The following TRIM66 variants were observed in gnomAD, a reference collection of about 807,000 sequenced individuals.
The protein encoded by TRIM66 is tripartite motif-containing protein 66.
TRIM66 carries 99 observed loss-of-function variants against 148.2 expected under a neutral mutation model. The observed-to-expected ratio is 0.67, with a 90% CI of 0.57 to 0.79. The LOEUF (loss-of-function observed/expected upper bound fraction) is 0.79. TRIM66 is among the 30% of genes least tolerant of loss of function. The probability of loss-of-function intolerance (pLI) is 0.00; values close to 1 mark genes in which losing one functional copy is unlikely to be tolerated. For missense variants in TRIM66, 1,666 were observed against 1,697.9 expected, an observed-to-expected ratio of 0.98 and a Z score of 0.33; for synonymous variants, 616 against 635.9, an observed-to-expected ratio of 0.97 and a Z score of 0.47.
At chr11:8,633,984 G>A (rs768332505) in intron 15 of TRIM66, among the ~76,000 whole-genome samples, 30 of 152,030 alleles carry the variant, frequency 2.0e-4, no homozygotes, top group Non-Finnish European at 2.9e-4. Flanking sequence ...AATGCCTACC[G>A]CTTCTGTATC....
chr11:8,620,575 G>A lies in TRIM66; in HGVS notation c.3546-3C>T. 1 of 1,551,616 alleles carries A rather than the reference G, an allele frequency of 6.4e-7. No homozygotes were observed. The highest frequency in any genetic ancestry group is 8.7e-7 in the Non-Finnish European group (1 of 1,146,996). On this transcript the variant is annotated splice_region_variant and splice_polypyrimidine_tract_variant and intron_variant, in intron 20 of 24. Transcript: ENST00000646038. The stretch of plus-strand genomic sequence containing the variant: ...ACAAGGTACACACCCACTCTCCCCT[G>A]CAGGGGCAGGTGAGGCCATGTTAGG...
chr11:8,673,981 T>C (rs921738500), intron 4 of TRIM66, among the ~76,000 whole-genome samples: 3 of 152,204 alleles, frequency 2.0e-5, no homozygotes, highest in African/African-American at 7.2e-5. Context: ...TGCCACTACA[T>C]AAAGCTATAG....
intron 3 of TRIM66, chr11:8,678,301 G>A (rs1262539796): frequency 6.6e-6 from 1 of 152,066 alleles, no homozygotes; most frequent in African/African-American, 2.4e-5. Context: ...CTTAATAAAA[G>A]ATAGCACATG....
intron 12 of TRIM66, among the ~76,000 whole-genome samples, 181 bp from the exon 13 acceptor site, chr11:8,643,307 C>A (rs1226462768): frequency 6.6e-6 from 1 of 151,626 alleles, no homozygotes; most frequent in East Asian, 1.9e-4. Flanking sequence ...TGATCCCTTT[C>A]CTCTTATCAA....
Position 8,640,924 on chromosome 11 carries a change from G to T in TRIM66, c.1451C>A (p.Pro484His). The change falls in exon 14 of 25, where the codon CCC (proline) becomes CAC (histidine). Residue 484 changes from proline (P) to histidine (H), a missense_variant. By Grantham distance (77) the Pro-to-His change is moderately conservative. Transcript: ENST00000646038. ...SPSLKGQVPPPSIHPAHSFRQ... is the reference protein window; with the variant it reads ...SPSLKGQVPPHSIHPAHSFRQ... ...GAAGCTGTGGGCTGGGTGTATGCTG[G>T]GTGGGGGGACCTGGCCTTTGAGGGA... The T allele has an allele frequency of 6.4e-7, 1 of 1,550,962 alleles. No individual in the cohort carries two copies. Among genetic ancestry groups the T allele is most frequent in the Non-Finnish European group, 8.7e-7 (1 of 1,146,956 alleles).
intron 8 of TRIM66, 141 bp from the exon 9 acceptor site, chr11:8,648,689 A>C: frequency 9.6e-7 from 1 of 1,045,872 alleles, no homozygotes; most frequent in South Asian, 1.8e-5. Flanking sequence ...ACAGGAGATG[A>C]CTCTCCAGGG....
In TRIM66 at chr11:8,613,848, C is replaced by G. The variant is rs2033554098; in HGVS notation, c.*4096G>C. 6.6e-6 allele frequency: 1 copy of G among 151,818 alleles called. No individual in the cohort carries two copies. Among genetic ancestry groups the G allele is most frequent in the African/African-American group, 2.4e-5 (1 of 41,280 alleles). 9.4% of individuals were successfully genotyped at this position (151,818 alleles called of 1,614,324 possible). A position where few individuals can be genotyped will look rare whatever the true frequency, so the allele number is the denominator to read the frequency against. ...CTGTGAAGTAGACAGTGAGCTCAGT[C>G]ATTTGTGGAGGACAAAGATGGAGGC... On this transcript the variant is annotated 3_prime_UTR_variant, in exon 25 of 25. Transcript: ENST00000646038.
chr11:8,643,353 T>TTTA (rs2036567848), intron 12 of TRIM66, among the ~76,000 whole-genome samples: 1 of 148,602 alleles, frequency 6.7e-6, no homozygotes, highest in Non-Finnish European at 1.5e-5. Context: ...TTTTTTTTTT[T>TTTA]AATTGAGACG....
At chr11:8,649,415 A>G (rs573683727) in intron 8 of TRIM66, among the ~76,000 whole-genome samples, 3 of 152,358 alleles carry the variant, frequency 2.0e-5, no homozygotes, top group South Asian at 2.1e-4. Flanking sequence ...AATCCAGACT[A>G]AGTTAATCAA....
At position 8,662,505 on chromosome 11, in the gene TRIM66, G is replaced by A. The variant is rs1236490426; in HGVS notation, c.340+9281C>T. On this transcript the variant is annotated intron_variant, in intron 6 of 24. Transcript: ENST00000646038. The stretch of plus-strand genomic sequence containing the variant: ...CTCTTCACTAGCTTCAAGAAGCATC[G>A]GGCTATGGTAGTTATTTGGTGTTCT... Among the ~76,000 whole-genome samples the A allele has an allele frequency of 5.3e-5, 8 of 152,062 alleles. No individual in the cohort carries two copies. The South Asian group carries it at 1.2e-3, about 24-fold the overall frequency.
At chr11:8,668,331 G>A (rs2038725606) in intron 6 of TRIM66, among the ~76,000 whole-genome samples, 2 of 151,826 alleles carry the variant, frequency 1.3e-5, no homozygotes, top group African/African-American at 4.8e-5. Context: ...AACAATGCTG[G>A]AACTTTTTTT....
chr11:8,621,395 G>GGCAT, intron 19 of TRIM66, 74 bp from the exon 20 acceptor site: 1 of 1,479,718 alleles, frequency 6.8e-7, no homozygotes, highest in Non-Finnish European at 9.0e-7. Context: ...GGGAGAGACT[G>GGCAT]GCAGGCCCTG....
At chr11:8,620,706 A>T in intron 20 of TRIM66, 134 bp from the exon 21 acceptor site, 1 of 1,382,500 alleles carries the variant, frequency 7.2e-7, no homozygotes, top group Non-Finnish European at 9.6e-7. Flanking sequence ...TTCTAGCCAC[A>T]GGCTTGGAAG....
At chr11:8,634,580 G>A (rs2035711210) in intron 15 of TRIM66, among the ~76,000 whole-genome samples, 2 of 152,242 alleles carry the variant, frequency 1.3e-5, no homozygotes, top group Non-Finnish European at 2.9e-5. Flanking sequence ...AAGGGTTGCT[G>A]TGGTAGGGTT....
At chr11:8,626,200 A>C (rs906740554) in intron 15 of TRIM66, among the ~76,000 whole-genome samples, 1 of 152,176 alleles carries the variant, frequency 6.6e-6, no homozygotes, top group East Asian at 1.9e-4. Flanking sequence ...AATCTTCAGG[A>C]ATGTGTAAGT....
chr11:8,614,291 A>G lies in TRIM66; in HGVS notation c.*3653T>C, dbSNP rs915098089. On this transcript the variant is annotated 3_prime_UTR_variant, in exon 25 of 25. Transcript: ENST00000646038. ...AAGGCAGAGGTTGCAATGAGCCGAC[A>G]TCATACCACTGCACTCCAGCCTGCA... 2 of 152,226 alleles carry G rather than the reference A, an allele frequency of 1.3e-5. No individual in the cohort carries two copies. The highest frequency in any genetic ancestry group is 4.8e-5 in the African/African-American group (2 of 41,422). 9.4% of individuals were successfully genotyped at this position (152,226 alleles called of 1,614,324 possible). A position where few individuals can be genotyped will look rare whatever the true frequency, so the allele number is the denominator to read the frequency against.
At chr11:8,639,485 A>G (rs2036181916) in intron 14 of TRIM66, among the ~76,000 whole-genome samples, 1 of 152,186 alleles carries the variant, frequency 6.6e-6, no homozygotes, top group Non-Finnish European at 1.5e-5. Flanking sequence ...GCTGAGAAAA[A>G]AGAGGTGCAC....
chr11:8,649,145 C>T (rs1158374579), intron 8 of TRIM66, among the ~76,000 whole-genome samples: 3 of 152,196 alleles, frequency 2.0e-5, no homozygotes, highest in Admixed American at 6.5e-5. Context: ...TCAAGACCAG[C>T]CTGGCCAACA....
chr11:8,633,891 G>C (rs771164311), intron 15 of TRIM66, among the ~76,000 whole-genome samples: 23 of 152,092 alleles, frequency 1.5e-4, no homozygotes, highest in Non-Finnish European at 2.8e-4. Context: ...GCATCAAAAT[G>C]CTTTGATAAT....
Sources: allele counts gnomAD v4.1 joint callset (sites outside exome capture counted in the v4.1 genomes callset), GRCh38; gene constraint gnomAD v4.1.1; transcripts MANE v1.5; gene names NCBI Gene and HGNC (gene_info 2026-07-23, HGNC 2026-07-21).